GRIN2B: variants seen among roughly 807,000 people sequenced by gnomAD.
The protein encoded by GRIN2B is glutamate ionotropic receptor NMDA type subunit 2B.
In GRIN2B, 5 loss-of-function variants were observed where a neutral mutation model predicts 114.5. The observed-to-expected ratio is 0.04, with a 90% CI of 0.02 to 0.09. The LOEUF is 0.09. Among genes scored for constraint, GRIN2B ranks in the 10% least tolerant of loss-of-function variants. GRIN2B has a pLI of 1.00. For synonymous variants in GRIN2B, 787 were observed against 745.1 expected, an observed-to-expected ratio of 1.06 and a Z score of -0.92; for missense variants, 1,108 against 1,943.5, an observed-to-expected ratio of 0.57 and a Z score of 8.08.
intron 11 of GRIN2B, among the ~76,000 whole-genome samples, chr12:13,570,945 T>C (rs1341593885): frequency 1.3e-5 from 2 of 152,192 alleles, no homozygotes; most frequent in African/African-American, 4.8e-5. Flanking sequence ...GAACAGTGGG[T>C]GTAGCAGTGG....
rs2300253 is a variant in GRIN2B, at chr12:13,709,017, T to G, written c.1011-33158A>C. On this transcript the variant is annotated intron_variant, in intron 4 of 13. Coordinates refer to ENST00000609686, the MANE Select transcript of GRIN2B (RefSeq NM_000834.5). ...TTTTTCTTTCATCTTGTGAAGTATG[T>G]CTTCAAAATCCAAACTTACTGGTTC... is the stretch of plus-strand genomic sequence containing the variant. Among the ~76,000 whole-genome samples the G allele has an allele frequency of 5.3e-4, 80 of 151,924 alleles. 1 individual carries two copies. Among genetic ancestry groups the G allele is most frequent in the African/African-American group, 1.9e-3 (77 of 41,470 alleles).
intron 4 of GRIN2B, among the ~76,000 whole-genome samples, chr12:13,694,380 A>G (rs1366690956): frequency 6.6e-6 from 1 of 151,980 alleles, no homozygotes; most frequent in Admixed American, 6.6e-5. Flanking sequence ...TGCTCATTGA[A>G]CCCTATGATG....
intron 3 of GRIN2B, among the ~76,000 whole-genome samples, chr12:13,815,849 A>C (rs559858567): frequency 2.6e-5 from 4 of 152,304 alleles, no homozygotes; most frequent in Admixed American, 2.6e-4. Flanking sequence ...CATGGTCTTC[A>C]TTTGACGTCA....
chr12:13,550,575 C>T lies in GRIN2B; in HGVS notation c.*12208G>A, dbSNP rs1271104055. 6.6e-6 allele frequency: 1 copy of T among 152,134 alleles called. No homozygotes were observed. Among genetic ancestry groups the T allele is most frequent in the Non-Finnish European group, 1.5e-5 (1 of 68,018 alleles). The allele number at this position is 152,134 out of a possible 1,614,324, so 9.4% of individuals were successfully genotyped here. A position where few individuals can be genotyped will look rare whatever the true frequency, so the allele number is the denominator to read the frequency against. ...TGCTTCTCCATCCTCTTAGAACCAA[C>T]CCATCAACAGGACCTTATGGATTCC... On this transcript the variant is annotated 3_prime_UTR_variant, in exon 14 of 14. Transcript: ENST00000609686.
chr12:13,905,720 C>A (rs73057682), intron 2 of GRIN2B, among the ~76,000 whole-genome samples: 15,686 of 152,182 alleles, frequency 0.1, 1,069 homozygotes, highest in Middle Eastern at 0.21. Flanking sequence ...AAACTAAATT[C>A]ACTGCTGGAG....
chr12:13,865,729 G>A, intron 3 of GRIN2B, 69 bp downstream of exon 3: 1 of 1,314,794 alleles, frequency 7.6e-7, no homozygotes, highest in Non-Finnish European at 1.1e-6. Flanking sequence ...AAGTTTTACA[G>A]GAAAACAAAT....
At chr12:13,675,686 T>C in intron 5 of GRIN2B, 59 bp downstream of exon 5, 5 of 1,039,732 alleles carry the variant, frequency 4.8e-6, no homozygotes, top group Non-Finnish European at 7.6e-6. Flanking sequence ...CTTCATTGTG[T>C]TGCAAAATTT....
chr12:13,874,463 C>T lies in GRIN2B; in HGVS notation c.-18-8237G>A, dbSNP rs540136280. ...TATCAGTACTCTCACCAGCAGCAAACACTCACGGGTTTTTCTTTTTTCCTT... is the reference window on the plus strand; with the variant it reads ...TATCAGTACTCTCACCAGCAGCAAATACTCACGGGTTTTTCTTTTTTCCTT... On this transcript the variant is annotated intron_variant, in intron 2 of 13. Transcript: ENST00000609686. 3.3e-5 allele frequency among the ~76,000 whole-genome samples: 5 copies of T among 152,342 alleles called. No individual in the cohort carries two copies. In the South Asian group the frequency reaches 8.3e-4, roughly 25 times the overall value.
At chr12:13,972,546 T>C (rs528929954) in intron 2 of GRIN2B, among the ~76,000 whole-genome samples, 2 of 152,284 alleles carry the variant, frequency 1.3e-5, no homozygotes, top group African/African-American at 4.8e-5. Context: ...TCTGATGCTA[T>C]GTAGATGAGC....
intron 10 of GRIN2B, among the ~76,000 whole-genome samples, chr12:13,608,400 C>T (rs1949316660): frequency 6.6e-6 from 1 of 152,164 alleles, no homozygotes; most frequent in Admixed American, 6.5e-5. Flanking sequence ...CTAGTGATAA[C>T]TTTTCACGAA....
chr12:13,694,068 G>T (rs1950237243), intron 4 of GRIN2B, among the ~76,000 whole-genome samples: 1 of 152,010 alleles, frequency 6.6e-6, no homozygotes, highest in Non-Finnish European at 1.5e-5. Context: ...GTCTTAAGGT[G>T]CAATAAACAG....
chr12:13,768,504 G>A (rs1428636052), intron 3 of GRIN2B, among the ~76,000 whole-genome samples: 1 of 152,236 alleles, frequency 6.6e-6, no homozygotes, highest in Non-Finnish European at 1.5e-5. Context: ...AGAGAAGGAA[G>A]TGGCTCAGAT....
intron 10 of GRIN2B, among the ~76,000 whole-genome samples, chr12:13,593,695 C>T (rs1197268856): frequency 6.6e-6 from 1 of 152,170 alleles, no homozygotes; most frequent in African/African-American, 2.4e-5. Flanking sequence ...TCTGATTAAA[C>T]TAAAGAGCTT....
At chr12:13,819,212 A>C (rs1864886237) in intron 3 of GRIN2B, among the ~76,000 whole-genome samples, 1 of 152,208 alleles carries the variant, frequency 6.6e-6, no homozygotes, top group African/African-American at 2.4e-5. Flanking sequence ...GAAGGTGGCC[A>C]TCTACAAGCC....
At chr12:13,973,881 C>G (rs1010689479) in intron 2 of GRIN2B, among the ~76,000 whole-genome samples, 17 of 152,122 alleles carry the variant, frequency 1.1e-4, no homozygotes, top group Non-Finnish European at 2.1e-4. Flanking sequence ...CCATTTCAAG[C>G]CCATCTTCCC....
At chr12:13,613,778 C>T (rs1445728177) in intron 8 of GRIN2B, among the ~76,000 whole-genome samples, 4 of 152,100 alleles carry the variant, frequency 2.6e-5, no homozygotes, top group Non-Finnish European at 5.9e-5. Context: ...TGATGCCTGG[C>T]ACATTATATA....
At position 13,916,712 on chromosome 12, in the gene GRIN2B, T is replaced by TAC. The variant is rs1156830012; in HGVS notation, c.-18-50488_-18-50487dup. 9.1e-3 allele frequency among the ~76,000 whole-genome samples: 884 copies of TAC among 96,914 alleles called. 10 individuals are homozygous for TAC. The highest frequency in any genetic ancestry group is 0.028 in the African/African-American group (724 of 25,984). 63.6% of individuals were successfully genotyped at this position (96,914 alleles called of 152,430 possible). On this transcript the variant is annotated intron_variant, in intron 2 of 13. Transcript: ENST00000609686. ...CTCTCTCTCTCCATACATATACATA[T>TAC]ACACACACACACACACACACACATT...
intron 10 of GRIN2B, among the ~76,000 whole-genome samples, chr12:13,590,666 GGTTCCAAGTCTTTGCTAT>G (rs1398990914): frequency 1.4e-4 from 21 of 152,120 alleles, no homozygotes; most frequent in African/African-American, 5.1e-4. Flanking sequence ...CATTTAGGTT[GGTTCCAAGTCTTTGCTAT>G]TGTAAATAGT....
intron 3 of GRIN2B, among the ~76,000 whole-genome samples, chr12:13,847,175 CT>C (rs1005725035): frequency 2.6e-5 from 4 of 152,112 alleles, no homozygotes; most frequent in Non-Finnish European, 5.9e-5. Context: ...AAATGTGAAT[CT>C]ATGATGATCT....
Sources: allele counts gnomAD v4.1 joint callset (sites outside exome capture counted in the v4.1 genomes callset), GRCh38; gene constraint gnomAD v4.1.1; transcripts MANE v1.5; gene names NCBI Gene and HGNC (gene_info 2026-07-23, HGNC 2026-07-21).